GGNBP2: variants seen among roughly 807,000 people sequenced by gnomAD.
The protein encoded by GGNBP2 is gametogenetin binding protein 2.
GGNBP2 carries 10 observed loss-of-function variants against 85.9 expected under a neutral mutation model. The ratio of observed to expected loss-of-function variants is 0.12; its 90% CI spans 0.07 to 0.20. The LOEUF is 0.20. Among genes scored for constraint, GGNBP2 ranks in the 10% least tolerant of loss-of-function variants. GGNBP2 has a pLI of 1.00. For synonymous variants in GGNBP2, 287 were observed against 285.7 expected (o/e 1.00, Z -0.05); for missense variants, 595 against 857.8 (o/e 0.69, Z 3.83).
chr17:36,587,509 C>CAAT (rs2074714578), intron 13 of GGNBP2: 1 of 421,180 alleles, frequency 2.4e-6, no homozygotes, highest in Admixed American at 3.5e-5. Context: ...GGTTACATTC[C>CAAT]AATAAACCCA....
intron 2 of GGNBP2, chr17:36,546,628 G>GA (rs1306068011): frequency 6.6e-6 from 1 of 152,160 alleles, no homozygotes; most frequent in African/African-American, 2.4e-5. Flanking sequence ...GCTGAAATTT[G>GA]AATTGAATCT....
At chr17:36,545,447 A>AGG (rs199505333) in intron 1 of GGNBP2, 172 bp from the exon 2 acceptor site, 18,079 of 380,258 alleles carry the variant, frequency 0.048, 812 homozygotes, top group African/African-American at 0.16. Context: ...GCGCGGCGCG[A>AGG]GGGGGGCGGG....
rs751070011 is a variant in GGNBP2, at chr17:36,577,843, C to T, written c.642-140C>T. 19 of 689,290 alleles carry T rather than the reference C, an allele frequency of 2.8e-5. 1 individual carries two copies. The highest frequency in any genetic ancestry group is 4.4e-5 in the Non-Finnish European group (17 of 385,820). 42.7% of individuals were successfully genotyped at this position (689,290 alleles called of 1,614,324 possible). A position where few individuals can be genotyped will look rare whatever the true frequency, so the allele number is the denominator to read the frequency against. ...CCTAAATTTGTATTTACCTTATGTG[C>T]GTATGTTTTAAATGTGTGTATGGAG... On this transcript the variant is annotated intron_variant, in intron 6 of 13. Coordinates refer to ENST00000613102, the MANE Select transcript of GGNBP2 (RefSeq NM_024835.5).
At position 36,555,009 on chromosome 17, in the gene GGNBP2, C is replaced by T. The variant is rs547651645; in HGVS notation, c.174+109C>T. 19 of 652,366 alleles carry T rather than the reference C, an allele frequency of 2.9e-5. No individual in the cohort carries two copies. The African/African-American group carries it at 2.9e-4, about 10-fold the overall frequency. 40.4% of individuals were successfully genotyped at this position (652,366 alleles called of 1,614,324 possible). A position where few individuals can be genotyped will look rare whatever the true frequency, so the allele number is the denominator to read the frequency against. On this transcript the variant is annotated intron_variant, in intron 3 of 13. Coordinates refer to ENST00000613102, the MANE Select transcript of GGNBP2 (RefSeq NM_024835.5). ...TAGGATTCTCTAGGTCTTAATATTGCACTGGAATTGCTCTTTCACCATTGC... is the reference window on the plus strand; with the variant it reads ...TAGGATTCTCTAGGTCTTAATATTGTACTGGAATTGCTCTTTCACCATTGC...
intron 9 of GGNBP2, among the ~76,000 whole-genome samples, chr17:36,584,369 A>G (rs2074680114): frequency 6.6e-6 from 1 of 151,494 alleles, no homozygotes; most frequent in Non-Finnish European, 1.5e-5. Context: ...ACGGAGTCTC[A>G]CTCTGTCGCC....
At chr17:36,586,938 A>G in intron 12 of GGNBP2, 59 bp from the exon 13 acceptor site, 1 of 1,430,830 alleles carries the variant, frequency 7.0e-7, no homozygotes, top group Non-Finnish European at 9.4e-7. Flanking sequence ...TTTTTTTTAA[A>G]GAATAATTGC....
chr17:36,587,136 C>G lies in GGNBP2; in HGVS notation c.1781C>G (p.Pro594Arg), dbSNP rs202028778. 1 of 1,614,070 alleles carries G rather than the reference C, an allele frequency of 6.2e-7. No individual in the cohort carries two copies. The highest frequency in any genetic ancestry group is 1.1e-5 in the South Asian group (1 of 91,062). The change falls in exon 13 of 14, where the codon CCA (proline) becomes CGA (arginine). Residue 594 changes from proline (P) to arginine (R), a missense_variant. Transcript: ENST00000613102. ...TGCAGCTCTGAAAAGGGTGGGCAGC[C>G]ATTGCCTTGGTTTGAGCATAGGAAA... Reference protein sequence around the residue: ...SCCSSEKGGQPLPWFEHRKNV... With the variant: ...SCCSSEKGGQRLPWFEHRKNV...
chr17:36,566,701 A>G (rs1288552976), intron 5 of GGNBP2, among the ~76,000 whole-genome samples: 2 of 151,880 alleles, frequency 1.3e-5, no homozygotes, highest in Non-Finnish European at 2.9e-5. Flanking sequence ...AAATTACCAC[A>G]TAGTTCTTAT....
intron 13 of GGNBP2, among the ~76,000 whole-genome samples, chr17:36,588,312 C>T (rs1040087152): frequency 6.6e-6 from 1 of 151,714 alleles, no homozygotes; most frequent in Non-Finnish European, 1.5e-5. Context: ...GGCTGGAGTG[C>T]GATGGTGCGA....
intron 6 of GGNBP2, chr17:36,575,329 G>A: frequency 2.4e-6 from 1 of 422,908 alleles, no homozygotes; most frequent in Non-Finnish European, 4.4e-6. Flanking sequence ...CTGCCATTTG[G>A]TGTTTTCTCA....
intron 6 of GGNBP2, among the ~76,000 whole-genome samples, chr17:36,572,364 CTT>C (rs2074534310): frequency 6.6e-6 from 1 of 152,078 alleles, no homozygotes; most frequent in South Asian, 2.1e-4. Context: ...AAAGGAGAGA[CTT>C]TCTGTTCCTG....
intron 3 of GGNBP2, among the ~76,000 whole-genome samples, chr17:36,555,794 T>C (rs1278323508): frequency 1.3e-5 from 2 of 152,216 alleles, no homozygotes; most frequent in Non-Finnish European, 2.9e-5. Flanking sequence ...ACAATGTAAA[T>C]GCTGTGTAAA....
chr17:36,578,263 CCTT>C, intron 7 of GGNBP2, 77 bp downstream of exon 7: 1 of 1,089,276 alleles, frequency 9.2e-7, no homozygotes, highest in Non-Finnish European at 1.3e-6. Context: ...ATTTTCATCA[CCTT>C]CTGCCTCAGT....
chr17:36,563,059 G>T (rs979182124), intron 5 of GGNBP2, among the ~76,000 whole-genome samples: 4 of 148,740 alleles, frequency 2.7e-5, no homozygotes, highest in Admixed American at 1.3e-4. Context: ...TGAGGTCGGG[G>T]GTTCGAGACC....
At position 36,574,783 on chromosome 17, in the gene GGNBP2, G is replaced by C. The variant is rs959072239; in HGVS notation, c.642-3200G>C. On this transcript the variant is annotated intron_variant, in intron 6 of 13. Transcript: ENST00000613102. The stretch of plus-strand genomic sequence containing the variant: ...GGCGCACCAGCACAGAGCCGTGGTG[G>C]CCTGTCGGCTTGCAAGGGATGGTGT... The C allele has an allele frequency of 2.5e-5, 16 of 649,004 alleles. No individual in the cohort carries two copies. In the African/African-American group the frequency reaches 2.9e-4, roughly 12 times the overall value. The allele number at this position is 649,004 out of a possible 1,614,324, so 40.2% of individuals were successfully genotyped here.
chr17:36,563,749 CTT>C (rs577798628), intron 5 of GGNBP2, among the ~76,000 whole-genome samples: 5 of 138,178 alleles, frequency 3.6e-5, no homozygotes, highest in Admixed American at 7.3e-5. Flanking sequence ...CTTTCAAATT[CTT>C]TTTTTTTTTT....
chr17:36,550,758 A>G (rs2074301061), intron 2 of GGNBP2, among the ~76,000 whole-genome samples: 1 of 152,244 alleles, frequency 6.6e-6, no homozygotes, highest in Non-Finnish European at 1.5e-5. Context: ...GAACCTCTTC[A>G]TGAAGCTGAA....
intron 2 of GGNBP2, chr17:36,546,561 G>A (rs1326036467): frequency 6.6e-6 from 1 of 152,138 alleles, no homozygotes; most frequent in Non-Finnish European, 1.5e-5. Flanking sequence ...ATTTGGTAGT[G>A]TAGCATTATC....
chr17:36,552,437 C>T (rs958831874), intron 2 of GGNBP2, among the ~76,000 whole-genome samples: 6 of 152,140 alleles, frequency 3.9e-5, no homozygotes, highest in African/African-American at 1.4e-4. Flanking sequence ...TTGCTCTTTT[C>T]AGTCATCCTC....
Sources: allele counts gnomAD v4.1 joint callset (sites outside exome capture counted in the v4.1 genomes callset), GRCh38; gene constraint gnomAD v4.1.1; transcripts MANE v1.5; gene names NCBI Gene and HGNC (gene_info 2026-07-23, HGNC 2026-07-21).